Variants in CACNA1H observed in about 807,000 individuals in gnomAD.
CACNA1H encodes the protein voltage-dependent T-type calcium channel subunit alpha-1H.
CACNA1H carries 149 observed loss-of-function variants against 192.5 expected under a neutral mutation model. The observed-to-expected ratio is 0.77, with a 90% confidence interval of 0.68 to 0.89. The LOEUF (loss-of-function observed/expected upper bound fraction) is 0.89. Among genes scored for constraint, CACNA1H ranks in the 40% least tolerant of loss-of-function variants. CACNA1H has a pLI of 0.00. For synonymous variants in CACNA1H, 2,202 were observed against 1,475.2 expected (o/e 1.49, Z -11.29); for missense variants, 4,257 against 3,423.5 (o/e 1.24, Z -6.08).
rs374872701 is a variant in CACNA1H at position 1,217,903 on chromosome 16, G to A, written c.5324-16G>A. ...GAGCGGGCTCGGCTGACCGGGCGGG[G>A]TCTCCCTCCCCGCAGAGTGCAGTGA... On this transcript the variant is annotated splice_polypyrimidine_tract_variant and intron_variant, in intron 31 of 34. Coordinates refer to ENST00000348261, the MANE Select transcript of CACNA1H (RefSeq NM_021098.3). The A allele has an allele frequency of 5.2e-5, 82 of 1,589,462 alleles. No homozygotes were observed. Among genetic ancestry groups the A allele is most frequent in the Admixed American group, 1.4e-4 (8 of 57,678 alleles).
chr16:1,173,753 C>G (rs1350101533), intron 2 of CACNA1H, among the ~76,000 whole-genome samples: 1 of 152,246 alleles, frequency 6.6e-6, no homozygotes. Flanking sequence ...AACCAGCAGG[C>G]TCACCCCGGG....
In CACNA1H at chr16:1,219,071, G is replaced by C; in HGVS notation, c.5989G>C (p.Ala1997Pro). ...SPARSGEPLH[A>P]LSPRGTARSP... ...AGCCAGGAGCGGCGAGCCCCTCCAC[G>C]CCCTGTCCCCTCGGGGCACAGCCCG... The change falls in exon 34 of 35, where the codon GCC (alanine) becomes CCC (proline). Residue 1997 changes from alanine (A) to proline (P), a missense_variant. Transcript: ENST00000348261. 6.5e-7 allele frequency: 1 copy of C among 1,549,756 alleles called. No individual in the cohort carries two copies. The highest frequency in any genetic ancestry group is 8.7e-7 in the Non-Finnish European group (1 of 1,146,782).
At chr16:1,175,901 C>T (rs549960019) in intron 2 of CACNA1H, among the ~76,000 whole-genome samples, 4 of 152,240 alleles carry the variant, frequency 2.6e-5, no homozygotes, top group South Asian at 2.1e-4. Context: ...TCCTCCTGCC[C>T]GGACCCCCAG....
chr16:1,161,958 G>A (rs566056225), intron 2 of CACNA1H, among the ~76,000 whole-genome samples: 282 of 152,336 alleles, frequency 1.9e-3, no homozygotes, highest in African/African-American at 6.3e-3. Context: ...AGCCATCACG[G>A]TGGGTCAGGC....
At chr16:1,172,836 C>T (rs746738671) in intron 2 of CACNA1H, among the ~76,000 whole-genome samples, 2 of 152,098 alleles carry the variant, frequency 1.3e-5, no homozygotes, top group Non-Finnish European at 2.9e-5. Context: ...GGAGGACTCA[C>T]GGCTTTGCTC....
chr16:1,191,865 G>A (rs905100582), intron 2 of CACNA1H, among the ~76,000 whole-genome samples: 1 of 150,112 alleles, frequency 6.7e-6, no homozygotes, highest in Non-Finnish European at 1.5e-5. Flanking sequence ...CACACTCAGG[G>A]TTTTGGTGAC....
intron 2 of CACNA1H, among the ~76,000 whole-genome samples, chr16:1,182,909 C>T (rs1024060653): frequency 4.6e-5 from 7 of 152,088 alleles, no homozygotes; most frequent in Non-Finnish European, 8.8e-5. Flanking sequence ...CTGAGAGCTC[C>T]CCAGGTCAGG....
At chr16:1,197,753 CCTGGGTG>C (rs1465691114) in intron 5 of CACNA1H, among the ~76,000 whole-genome samples, 1 of 152,206 alleles carries the variant, frequency 6.6e-6, no homozygotes, top group African/African-American at 2.4e-5. Flanking sequence ...CATTGATACC[CCTGGGTG>C]CTGGGTGAGA....
intron 2 of CACNA1H, among the ~76,000 whole-genome samples, chr16:1,185,211 C>G (rs1000063833): frequency 1.3e-5 from 2 of 152,116 alleles, no homozygotes; most frequent in Non-Finnish European, 2.9e-5. Flanking sequence ...GAGTAATATT[C>G]CAGCGTGTGA....
In CACNA1H at chr16:1,206,086, GC is replaced by G; in HGVS notation, c.2604-13del. The G allele has an allele frequency of 6.4e-7, 1 of 1,551,300 alleles. No homozygotes were observed. Among genetic ancestry groups the G allele is most frequent in the Non-Finnish European group, 8.7e-7 (1 of 1,151,458 alleles). ...AGGGATCGTGGCCCCGCTGACCCTC[GC>G]CCCCACCTGTCCGCAGCGTCTGGGA... On this transcript the variant is annotated splice_polypyrimidine_tract_variant and intron_variant, in intron 11 of 34. Coordinates refer to ENST00000348261, the MANE Select transcript of CACNA1H (RefSeq NM_021098.3).
intron 2 of CACNA1H, among the ~76,000 whole-genome samples, chr16:1,166,772 C>A (rs1488144349): frequency 6.6e-6 from 1 of 152,212 alleles, no homozygotes; most frequent in Non-Finnish European, 1.5e-5. Context: ...CCTGACCCTT[C>A]CACGGTTAGA....
intron 2 of CACNA1H, among the ~76,000 whole-genome samples, chr16:1,171,095 C>T (rs1454707694): frequency 6.6e-6 from 1 of 152,156 alleles, no homozygotes; most frequent in Non-Finnish European, 1.5e-5. Flanking sequence ...CACGGCCAGG[C>T]CTTTGTCCCT....
intron 2 of CACNA1H, among the ~76,000 whole-genome samples, chr16:1,177,402 C>T (rs1208997429): frequency 2.0e-5 from 3 of 152,214 alleles, no homozygotes; most frequent in East Asian, 1.9e-4. Flanking sequence ...GCGGGGACGG[C>T]GTCTGACCGA....
chr16:1,204,004 C>T lies in CACNA1H; in HGVS notation c.2003-6C>T, dbSNP rs1435574238. ...GGCCTGCCCCTGTCTGTGCCCTCTC[C>T]CGCAGGACTGGGCCAGGCCCCTGGC... On this transcript the variant is annotated splice_polypyrimidine_tract_variant and splice_region_variant and intron_variant, in intron 9 of 34. Coordinates refer to ENST00000348261, the MANE Select transcript of CACNA1H (RefSeq NM_021098.3). 10 of 1,532,924 alleles carry T rather than the reference C, an allele frequency of 6.5e-6. No homozygotes were observed. In the African/African-American group the frequency reaches 6.9e-5, roughly 11 times the overall value. The allele number at this position is 1,532,924 out of a possible 1,614,324, so 95.0% of individuals were successfully genotyped here.
At chr16:1,216,281 C>G (rs549401999) in intron 30 of CACNA1H, among the ~76,000 whole-genome samples, 3 of 152,228 alleles carry the variant, frequency 2.0e-5, no homozygotes, top group Non-Finnish European at 4.4e-5. Flanking sequence ...TCCTCAGCGG[C>G]GTGCCTAGCT....
intron 2 of CACNA1H, among the ~76,000 whole-genome samples, chr16:1,183,679 C>A (rs147660812): frequency 0.01 from 1,594 of 152,360 alleles, 29 homozygotes; most frequent in African/African-American, 0.037. Context: ...GGGCACCGTC[C>A]CGTCCTGCAG....
intron 2 of CACNA1H, among the ~76,000 whole-genome samples, chr16:1,174,993 T>C (rs907269967): frequency 7.0e-6 from 1 of 141,884 alleles, no homozygotes; most frequent in Non-Finnish European, 1.5e-5. Flanking sequence ...CATGGCTCCG[T>C]GGTGGGTCTC....
At position 1,217,060 on chromosome 16, in the gene CACNA1H, C is replaced by T. The variant is rs199656182; in HGVS notation, c.5323+50C>T. 2.8e-4 allele frequency: 406 copies of T among 1,447,300 alleles called. No homozygotes were observed. The African/African-American group carries it at 3.6e-3, about 13-fold the overall frequency. The allele number at this position is 1,447,300 out of a possible 1,614,324, so 89.7% of individuals were successfully genotyped here. On this transcript the variant is annotated intron_variant, in intron 31 of 34. Coordinates refer to ENST00000348261, the MANE Select transcript of CACNA1H (RefSeq NM_021098.3). ...CTGGCACACATGGGGTCCTGACAGG[C>T]GCCCCTGTGCCCATCCACTCACACG... is the stretch of plus-strand genomic sequence containing the variant.
chr16:1,220,026 A>G lies in CACNA1H; in HGVS notation c.6094A>G (p.Arg2032Gly), dbSNP rs772237978. Reference sequence around the variant, plus strand: ...CTTGGAAGGGAAGATTGACAGCCCTAGGGACACCCTGGATCCTGCAGAGCC... The same window carrying G: ...CTTGGAAGGGAAGATTGACAGCCCTGGGGACACCCTGGATCCTGCAGAGCC... The part of the protein sequence containing the change: ...DSLEGKIDSP[R>G]DTLDPAEPGE... Residue 2032 changes from arginine to glycine, a missense_variant, in exon 35 of 35, where the codon AGG (arginine) becomes GGG (glycine). By Grantham distance (125) the Arg-to-Gly change is moderately radical (BLOSUM62 -2). Transcript: ENST00000348261. 7.1e-7 allele frequency: 1 copy of G among 1,406,142 alleles called. No individual in the cohort carries two copies. Among genetic ancestry groups the G allele is most frequent in the Non-Finnish European group, 9.3e-7 (1 of 1,079,668 alleles). 87.1% of individuals were successfully genotyped at this position (1,406,142 alleles called of 1,614,324 possible).
Sources: gnomAD v4.1 joint callset for allele counts (sites outside exome capture counted in the v4.1 genomes callset) on GRCh38, gnomAD v4.1.1 for gene constraint, MANE v1.5 for transcripts, NCBI Gene and HGNC (gene_info 2026-07-23, HGNC 2026-07-21) for gene names.